Variants in HECW2 observed in about 807,000 individuals in gnomAD.
HECW2 encodes the protein E3 ubiquitin-protein ligase HECW2.
A neutral mutation model predicts 175.2 loss-of-function variants in HECW2; 61 were observed. The ratio of observed to expected loss-of-function variants is 0.35; its 90% CI spans 0.28 to 0.43. HECW2 has a LOEUF of 0.43. HECW2 is among the 20% of genes least tolerant of loss of function. HECW2 has a pLI of 1.00. For missense variants in HECW2, 1,524 were observed against 2,000.5 expected (o/e 0.76, Z 4.54); for synonymous variants, 671 against 731.0 (o/e 0.92, Z 1.32).
chr2:196,204,612 A>G (rs535571850), intron 28 of HECW2, among the ~76,000 whole-genome samples: 5 of 152,364 alleles, frequency 3.3e-5, no homozygotes, highest in African/African-American at 1.2e-4. Flanking sequence ...CCATGAGCAG[A>G]AGACCCAGCT....
chr2:196,525,648 C>T (rs1688612718), intron 1 of HECW2, among the ~76,000 whole-genome samples: 1 of 149,596 alleles, frequency 6.7e-6, no homozygotes, highest in East Asian at 2.0e-4. Context: ...GTGCTTCCTT[C>T]AGGAGCTCTT....
chr2:196,532,206 T>C (rs1295487328), intron 1 of HECW2, among the ~76,000 whole-genome samples: 1 of 152,182 alleles, frequency 6.6e-6, no homozygotes, highest in Non-Finnish European at 1.5e-5. Context: ...CTGTTCACAA[T>C]AGCAAAGACT....
At chr2:196,397,570 C>T (rs1694706173) in intron 2 of HECW2, among the ~76,000 whole-genome samples, 1 of 152,190 alleles carries the variant, frequency 6.6e-6, no homozygotes, top group Non-Finnish European at 1.5e-5. Context: ...TCTATTTATG[C>T]TTAACAGCTT....
intron 1 of HECW2, among the ~76,000 whole-genome samples, chr2:196,575,280 T>C (rs139782543): frequency 7.4e-4 from 112 of 152,080 alleles, no homozygotes; most frequent in African/African-American, 2.7e-3. Flanking sequence ...TGGCAAGAAT[T>C]TGGAGAAAAT....
intron 21 of HECW2, 82 bp downstream of exon 21, chr2:196,240,367 C>T (rs1688401000): frequency 2.0e-6 from 2 of 982,626 alleles, no homozygotes; most frequent in Non-Finnish European, 3.0e-6. Context: ...TTTCCTGTTT[C>T]AGGCAACCAC....
rs560397536 is a variant in HECW2, at chr2:196,272,189, C to T, written c.3239-900G>A. Among the ~76,000 whole-genome samples, 9 of 152,230 alleles carry T rather than the reference C, an allele frequency of 5.9e-5. No individual in the cohort carries two copies. The South Asian group carries it at 8.3e-4, about 14-fold the overall frequency. Reference sequence around the variant, plus strand: ...GAGGACAAACTATTCTAAAACTCTACGTGGAAATAAATGCCATTAAGCCAC... The same window carrying T: ...GAGGACAAACTATTCTAAAACTCTATGTGGAAATAAATGCCATTAAGCCAC... On this transcript the variant is annotated intron_variant, in intron 16 of 28. Transcript: ENST00000644978.
At chr2:196,347,253 G>C in intron 2 of HECW2, among the ~76,000 whole-genome samples, 1 of 151,788 alleles carries the variant, frequency 6.6e-6, no homozygotes, top group East Asian at 2.0e-4. Flanking sequence ...GTAGAGACGG[G>C]GTTTCACCAT....
rs369769676 is a variant in HECW2 at position 196,319,185 on chromosome 2, C to T, written c.1705G>A (p.Gly569Ser). 2 of 1,596,066 alleles carry T rather than the reference C, an allele frequency of 1.3e-6. No individual in the cohort carries two copies. The highest frequency in any genetic ancestry group is 1.7e-6 in the Non-Finnish European group (2 of 1,170,274). ...SADQGSAELC[G>S]SQEVDQPTSG... ...GTGGGCTGATCTACCTCTTGAGAGC[C>T]ACACAGTTCAGCACTGCCCTGGTCA... is the stretch of plus-strand genomic sequence containing the variant. The change falls in exon 9 of 29, where the codon GGC (glycine) becomes AGC (serine). Residue 569 changes from glycine to serine, a missense_variant. By Grantham distance (56) the Gly-to-Ser change is moderately conservative. This residue lies in a region of HECW2 where 604 missense variants were observed against 588.3 expected (regional missense o/e 1.03). Transcript: ENST00000644978.
chr2:196,324,396 T>G (rs1449990267), intron 6 of HECW2, among the ~76,000 whole-genome samples: 1 of 152,138 alleles, frequency 6.6e-6, no homozygotes, highest in African/African-American at 2.4e-5. Flanking sequence ...ACTGTAGCTG[T>G]GAGGAAGTCT....
rs1690064873 is a variant in HECW2 at position 196,278,557 on chromosome 2, T to A, written c.3106A>T (p.Thr1036Ser). ...TSALVHRQHL[T>S]RQRSHSAGEV... is the part of the protein sequence containing the mutation. Reference sequence around the variant, plus strand: ...CCCGCACTGTGGCTGCGTTGCCTTGTCAGGTGTTGCCGATGAACCAGCGCA... The same window carrying A: ...CCCGCACTGTGGCTGCGTTGCCTTGACAGGTGTTGCCGATGAACCAGCGCA... The change falls in exon 15 of 29, where the codon ACA becomes TCA. Residue 1036 changes from threonine (T) to serine (S), a missense_variant. Physicochemically the swap from Thr to Ser is moderately conservative, Grantham distance 58. Transcript: ENST00000644978. 6.2e-7 allele frequency: 1 copy of A among 1,613,974 alleles called. No homozygotes were observed. Among genetic ancestry groups the A allele is most frequent in the Non-Finnish European group, 8.5e-7 (1 of 1,180,018 alleles).
At chr2:196,543,687 A>G (rs1379585614) in intron 1 of HECW2, among the ~76,000 whole-genome samples, 2 of 151,974 alleles carry the variant, frequency 1.3e-5, no homozygotes, top group Non-Finnish European at 2.9e-5. Context: ...ATCTTGGCTC[A>G]CTGCAACTTC....
At chr2:196,362,294 G>A in intron 2 of HECW2, 1 of 361,528 alleles carries the variant, frequency 2.8e-6, no homozygotes, top group Non-Finnish European at 3.8e-6. Context: ...TTCCATGGGA[G>A]AATTCCAAAG....
chr2:196,349,437 G>A (rs1307410501), intron 2 of HECW2, among the ~76,000 whole-genome samples: 1 of 152,106 alleles, frequency 6.6e-6, no homozygotes, highest in African/African-American at 2.4e-5. Context: ...TTTATATTAA[G>A]CTTGTCCCTT....
At chr2:196,387,436 C>A (rs187768604) in intron 2 of HECW2, among the ~76,000 whole-genome samples, 1 of 152,230 alleles carries the variant, frequency 6.6e-6, no homozygotes, top group Non-Finnish European at 1.5e-5. Context: ...TATGAGGACA[C>A]AAAGGTAGCA....
intron 26 of HECW2, chr2:196,218,228 C>A (rs1687544869): frequency 6.6e-6 from 1 of 152,326 alleles, no homozygotes; most frequent in Non-Finnish European, 1.5e-5. Flanking sequence ...TTGTGCCAAA[C>A]CTTTTGGAGG....
chr2:196,435,919 T>G (rs1166860579), intron 1 of HECW2, among the ~76,000 whole-genome samples: 1 of 152,238 alleles, frequency 6.6e-6, no homozygotes. Context: ...TGTGACTACA[T>G]TCTACTTTAA....
Position 196,195,737 on chromosome 2 carries a change from A to G in HECW2, c.*5540T>C, listed in dbSNP as rs1686662901. 1 of 152,250 alleles carries G rather than the reference A, an allele frequency of 6.6e-6. No homozygotes were observed. The highest frequency in any genetic ancestry group is 1.5e-5 in the Non-Finnish European group (1 of 68,048). The allele number at this position is 152,250 out of a possible 1,614,324, so 9.4% of individuals were successfully genotyped here. A position where few individuals can be genotyped will look rare whatever the true frequency, so the allele number is the denominator to read the frequency against. On this transcript the variant is annotated 3_prime_UTR_variant, in exon 29 of 29. Transcript: ENST00000644978. ...ATAAAAGCACCCTTTCTTTCATTTC[A>G]TACATGGTGTTCAATAATAGTAACA...
At chr2:196,404,819 C>CTTTTTTTTT (rs71012909) in intron 2 of HECW2, among the ~76,000 whole-genome samples, 2 of 80,366 alleles carry the variant, frequency 2.5e-5, no homozygotes, top group Non-Finnish European at 4.4e-5. Context: ...TTTTTCTTCT[C>CTTTTTTTTT]TTTTTTTTTT....
At chr2:196,335,441 G>A (rs577940564) in intron 3 of HECW2, among the ~76,000 whole-genome samples, 3 of 152,308 alleles carry the variant, frequency 2.0e-5, no homozygotes, top group Non-Finnish European at 2.9e-5. Context: ...TGATGGGCAG[G>A]CCCTGGAGGG....
Sources: gnomAD v4.1 joint callset for allele counts (sites outside exome capture counted in the v4.1 genomes callset) on GRCh38, gnomAD v4.1.1 for gene constraint, gnomAD v4.1.1 regional missense constraint, MANE v1.5 for transcripts, NCBI Gene and HGNC (gene_info 2026-07-23, HGNC 2026-07-21) for gene names.